The following NME5 variants were observed in gnomAD, a reference collection of about 807,000 sequenced individuals.
The protein encoded by NME5 is NME/NM23 family member 5, also known as nucleoside diphosphate kinase 5.
A neutral mutation model predicts 21.6 loss-of-function variants in NME5; 18 were observed. The observed-to-expected ratio is 0.83, with a 90% confidence interval of 0.58 to 1.24. NME5 has a LOEUF of 1.24. Among genes scored for constraint, NME5 ranks in the 50% most tolerant of loss-of-function variants. The pLI, the probability that NME5 is intolerant of heterozygous loss-of-function variation, is 0.00. For missense variants in NME5, 223 were observed against 255.4 expected, an observed-to-expected ratio of 0.87 and a Z score of 0.86; for synonymous variants, 70 against 80.6, an observed-to-expected ratio of 0.87 and a Z score of 0.71.
chr5:138,120,230 CTT>C (rs59354099), intron 4 of NME5, among the ~76,000 whole-genome samples: 1 of 87,144 alleles, frequency 1.1e-5, no homozygotes, highest in African/African-American at 4.6e-5. Context: ...GCTCCCAGCT[CTT>C]TTTTTTTTTT....
At chr5:138,129,137 A>G in intron 3 of NME5, 126 bp downstream of exon 3, 1 of 715,484 alleles carries the variant, frequency 1.4e-6, no homozygotes. Flanking sequence ...TCTGCCCCCC[A>G]AAAAAGTTGA....
chr5:138,123,232 C>T (rs868619190), intron 4 of NME5: 3 of 152,276 alleles, frequency 2.0e-5, no homozygotes, highest in African/African-American at 7.2e-5. Flanking sequence ...ACCTCAAATA[C>T]TTATCTTTTT....
intron 2 of NME5, 45 bp downstream of exon 2, chr5:138,138,607 A>T: frequency 6.4e-7 from 1 of 1,556,428 alleles, no homozygotes; most frequent in Non-Finnish European, 8.7e-7. Flanking sequence ...TTTTTTTTTA[A>T]GGGCAGAGAG....
At chr5:138,135,754 G>C (rs987117121) in intron 2 of NME5, among the ~76,000 whole-genome samples, 3 of 152,026 alleles carry the variant, frequency 2.0e-5, no homozygotes, top group African/African-American at 7.2e-5. Flanking sequence ...AAGACAAAAA[G>C]GTATATACTG....
chr5:138,125,116 C>T (rs1751369154), intron 4 of NME5, among the ~76,000 whole-genome samples: 2 of 151,962 alleles, frequency 1.3e-5, no homozygotes, highest in Non-Finnish European at 2.9e-5. Context: ...GAGATGAGAT[C>T]TTGCTATGTT....
chr5:138,137,556 T>C (rs945891428), intron 2 of NME5, among the ~76,000 whole-genome samples: 1 of 151,236 alleles, frequency 6.6e-6, no homozygotes, highest in African/African-American at 2.4e-5. Context: ...GACCTTATGA[T>C]CCACCCATCT....
chr5:138,117,807 A>T (rs1362594827), intron 5 of NME5, among the ~76,000 whole-genome samples: 7 of 151,884 alleles, frequency 4.6e-5, no homozygotes, highest in Admixed American at 4.6e-4. Flanking sequence ...ACATGAAGAA[A>T]CCCTGTCTCT....
At position 138,115,494 on chromosome 5, in the gene NME5, C is replaced by G. The variant is rs1353655644; in HGVS notation, c.*187G>C. The G allele has an allele frequency of 1.2e-5, 5 of 418,134 alleles. No individual in the cohort carries two copies. The highest frequency in any genetic ancestry group is 1.0e-4 in the African/African-American group (5 of 48,988). 25.9% of individuals were successfully genotyped at this position (418,134 alleles called of 1,614,324 possible). On this transcript the variant is annotated 3_prime_UTR_variant, in exon 6 of 6. Transcript: ENST00000265191. The stretch of plus-strand genomic sequence containing the variant: ...GTTACATCATTGTTAAAATCATACT[C>G]TAAGCCTATATTTTACCTTAATGTT...
rs182049871 is a variant in NME5 at position 138,115,748 on chromosome 5, C to T, written c.572G>A (p.Trp191Ter). The T allele has an allele frequency of 7.0e-6, 11 of 1,567,152 alleles. No individual in the cohort carries two copies. The East Asian group carries it at 2.5e-4, about 36-fold the overall frequency. The change falls in exon 6 of 6, where the codon TGG becomes TAG. Residue 191 changes from tryptophan to a stop codon, truncating the protein, a stop_gained. Transcript: ENST00000265191. LOFTEE classifies it high-confidence loss of function. ...TTTGTTAGGATTATTTTTCAGCAGC[C>T]AATCAGCTAGCCAAATCTATGGGAA... ...PADPLIWLAD[W>*]LLKNNPNKPK... is the part of the protein sequence containing the mutation.
chr5:138,131,245 G>T lies in NME5; in HGVS notation c.130-1777C>A, dbSNP rs544702491. Among the ~76,000 whole-genome samples, 9 of 150,438 alleles carry T rather than the reference G, an allele frequency of 6.0e-5. No homozygotes were observed. The East Asian group carries it at 1.2e-3, about 20-fold the overall frequency. On this transcript the variant is annotated intron_variant, in intron 2 of 5. Transcript: ENST00000265191. ...AAAAAAAAAAAATTAGCCAGCCGTG[G>T]TGGCGGGCACCTATAATCCCAGGTG...
intron 4 of NME5, among the ~76,000 whole-genome samples, chr5:138,121,701 A>ACACAATT (rs1751289224): frequency 1.3e-5 from 2 of 152,186 alleles, no homozygotes; most frequent in Non-Finnish European, 2.9e-5. Flanking sequence ...GTGGCTTTGC[A>ACACAATT]GTAAGTTTCA....
intron 2 of NME5, among the ~76,000 whole-genome samples, chr5:138,131,552 C>G (rs560996954): frequency 4.8e-5 from 7 of 146,874 alleles, no homozygotes; most frequent in African/African-American, 1.5e-4. Flanking sequence ...GAGACTCTGT[C>G]TAAAAAAAAA....
At chr5:138,121,237 C>T (rs976316739) in intron 4 of NME5, among the ~76,000 whole-genome samples, 3 of 151,762 alleles carry the variant, frequency 2.0e-5, no homozygotes, top group African/African-American at 4.8e-5. Context: ...CCAGCCTGGG[C>T]AATATGGCGA....
At chr5:138,125,817 C>G (rs915691830) in intron 4 of NME5, among the ~76,000 whole-genome samples, 1 of 151,972 alleles carries the variant, frequency 6.6e-6, no homozygotes, top group Admixed American at 6.6e-5. Flanking sequence ...TTTTACCATG[C>G]TGGCCAGGCT....
At chr5:138,129,182 A>G in intron 3 of NME5, 81 bp downstream of exon 3, 1 of 1,223,496 alleles carries the variant, frequency 8.2e-7, no homozygotes, top group Non-Finnish European at 1.2e-6. Context: ...AAAAATTCCC[A>G]TTACAATGAA....
At chr5:138,117,044 C>T (rs1051336578) in intron 5 of NME5, among the ~76,000 whole-genome samples, 2 of 151,662 alleles carry the variant, frequency 1.3e-5, no homozygotes, top group South Asian at 4.1e-4. Context: ...CCCATCTCTA[C>T]AAAAAATTTT....
At chr5:138,118,288 G>T (rs1751207953) in intron 5 of NME5, among the ~76,000 whole-genome samples, 1 of 150,976 alleles carries the variant, frequency 6.6e-6, no homozygotes, top group Non-Finnish European at 1.5e-5. Context: ...ACCACGCCCG[G>T]CTAATTTTTT....
At chr5:138,126,840 C>A (rs1751439104) in intron 4 of NME5, among the ~76,000 whole-genome samples, 1 of 151,832 alleles carries the variant, frequency 6.6e-6, no homozygotes, top group South Asian at 2.1e-4. Context: ...TCCAGCTACT[C>A]AAAGGCTGAG....
chr5:138,132,061 AATT>A (rs1363936245), intron 2 of NME5, among the ~76,000 whole-genome samples: 1 of 152,140 alleles, frequency 6.6e-6, no homozygotes, highest in African/African-American at 2.4e-5. Context: ...GCTTTTAAAA[AATT>A]ATTTATTACT....
Sources: gnomAD v4.1 joint callset for allele counts (sites outside exome capture counted in the v4.1 genomes callset) on GRCh38, gnomAD v4.1.1 for gene constraint, MANE v1.5 for transcripts, NCBI Gene and HGNC (gene_info 2026-07-23, HGNC 2026-07-21) for gene names.